ATE1: variants seen among roughly 807,000 people sequenced by gnomAD.
ATE1 encodes arginyltransferase 1, also known as arginyl-tRNA--protein transferase 1.
Under a neutral mutation model 70.5 loss-of-function variants are expected in ATE1, and 36 were observed. That is an observed-to-expected ratio of 0.51 (90% CI 0.39 to 0.67). ATE1 has a LOEUF of 0.67. ATE1 is among the 30% of genes least tolerant of loss of function. The pLI is 0.00. For synonymous variants in ATE1, 232 were observed against 219.3 expected (o/e 1.06, Z -0.51); for missense variants, 593 against 629.5 (o/e 0.94, Z 0.62).
chr10:121,838,423 G>A (rs1016512215), intron 9 of ATE1, among the ~76,000 whole-genome samples: 6 of 151,756 alleles, frequency 4.0e-5, no homozygotes, highest in Non-Finnish European at 8.8e-5. Flanking sequence ...CCCTACACCC[G>A]AGCCCAAAAG....
At chr10:121,870,459 A>T (rs1351953564) in intron 7 of ATE1, among the ~76,000 whole-genome samples, 1 of 151,494 alleles carries the variant, frequency 6.6e-6, no homozygotes, top group Non-Finnish European at 1.5e-5. Flanking sequence ...GACCAACAAA[A>T]GGGGAGAGGA....
intron 11 of ATE1, among the ~76,000 whole-genome samples, chr10:121,759,133 G>A (rs1041857526): frequency 4.6e-5 from 7 of 152,184 alleles, no homozygotes; most frequent in Admixed American, 3.3e-4. Context: ...GTGCCAAACG[G>A]CCAAGCTGCA....
intron 7 of ATE1, among the ~76,000 whole-genome samples, chr10:121,884,854 A>C (rs1323334350): frequency 6.6e-6 from 1 of 152,182 alleles, no homozygotes; most frequent in African/African-American, 2.4e-5. Context: ...ACTACAATAC[A>C]CAAGTGTTCC....
intron 10 of ATE1, among the ~76,000 whole-genome samples, chr10:121,817,344 C>T (rs895987840): frequency 6.6e-6 from 1 of 152,116 alleles, no homozygotes; most frequent in Non-Finnish European, 1.5e-5. Flanking sequence ...ATCGAGACCA[C>T]GGTGAAACCC....
chr10:121,899,826 A>C, intron 7 of ATE1, 40 bp downstream of exon 7: 1 of 1,590,620 alleles, frequency 6.3e-7, no homozygotes, highest in Non-Finnish European at 8.6e-7. Context: ...TGGAAGGGAA[A>C]GCTCTGTTTG....
intron 10 of ATE1, among the ~76,000 whole-genome samples, chr10:121,818,776 A>G (rs534032528): frequency 6.6e-6 from 1 of 152,332 alleles, no homozygotes; most frequent in African/African-American, 2.4e-5. Context: ...CCTGAATATA[A>G]ACAGGCTAGT....
At chr10:121,753,829 A>T (rs1944686245) in intron 11 of ATE1, among the ~76,000 whole-genome samples, 1 of 152,212 alleles carries the variant, frequency 6.6e-6, no homozygotes, top group African/African-American at 2.4e-5. Context: ...CTATTACAGG[A>T]TTTCTCAAAG....
intron 7 of ATE1, among the ~76,000 whole-genome samples, chr10:121,878,501 G>A (rs755584315): frequency 2.6e-5 from 4 of 151,658 alleles, no homozygotes; most frequent in African/African-American, 7.3e-5. Flanking sequence ...GCTGAAGTAC[G>A]AGAATTGCCT....
At chr10:121,893,654 C>G (rs558727044) in intron 7 of ATE1, among the ~76,000 whole-genome samples, 2 of 151,942 alleles carry the variant, frequency 1.3e-5, no homozygotes, top group Non-Finnish European at 2.9e-5. Flanking sequence ...TTACATCTCT[C>G]TGGAATTAAG....
intron 7 of ATE1, among the ~76,000 whole-genome samples, chr10:121,879,291 G>A (rs954847522): frequency 2.0e-5 from 3 of 152,174 alleles, no homozygotes; most frequent in Non-Finnish European, 4.4e-5. Context: ...CTTTATAGAG[G>A]TGTCTGTCAA....
chr10:121,754,868 A>ATGCAATACATACAGTATGATG (rs1944730162), intron 11 of ATE1, among the ~76,000 whole-genome samples: 1 of 152,224 alleles, frequency 6.6e-6, no homozygotes, highest in Admixed American at 6.5e-5. Flanking sequence ...AACACTGTAT[A>ATGCAATACATACAGTATGATG]CCTCCTGATA....
chr10:121,916,461 T>C (rs1437105215), intron 3 of ATE1, among the ~76,000 whole-genome samples: 4 of 152,170 alleles, frequency 2.6e-5, no homozygotes, highest in Non-Finnish European at 4.4e-5. Context: ...GTAACTCTTA[T>C]GCACTTTCTC....
chr10:121,875,557 G>A (rs559107293), intron 7 of ATE1, among the ~76,000 whole-genome samples: 3 of 152,062 alleles, frequency 2.0e-5, no homozygotes, highest in South Asian at 2.1e-4. Context: ...TGCCCGCCTC[G>A]GCCTCCCAAA....
chr10:121,903,166 G>C (rs1011564215), intron 5 of ATE1, among the ~76,000 whole-genome samples: 8 of 145,392 alleles, frequency 5.5e-5, no homozygotes, highest in Non-Finnish European at 1.1e-4. Flanking sequence ...TGGGATTACA[G>C]GAATGAGCCA....
At chr10:121,781,636 C>T (rs943250811) in intron 11 of ATE1, among the ~76,000 whole-genome samples, 14 of 152,180 alleles carry the variant, frequency 9.2e-5, no homozygotes, top group Admixed American at 3.3e-4. Flanking sequence ...AATGGAAGGC[C>T]GTGTTGCAAG....
intron 11 of ATE1, among the ~76,000 whole-genome samples, chr10:121,750,095 G>A (rs1311081576): frequency 6.6e-6 from 1 of 152,052 alleles, no homozygotes; most frequent in Non-Finnish European, 1.5e-5. Flanking sequence ...AATAAATTAT[G>A]ATTTATATAC....
chr10:121,796,530 T>C (rs1158708806), intron 10 of ATE1, among the ~76,000 whole-genome samples: 1 of 152,190 alleles, frequency 6.6e-6, no homozygotes, highest in East Asian at 1.9e-4. Flanking sequence ...TGCACGTCTA[T>C]ATTTTCAGTT....
intron 11 of ATE1, among the ~76,000 whole-genome samples, chr10:121,760,401 G>A (rs1944989989): frequency 6.6e-6 from 1 of 152,220 alleles, no homozygotes; most frequent in South Asian, 2.1e-4. Flanking sequence ...ATGGGAGGAA[G>A]TCAAACTATC....
chr10:121,814,666 A>C (rs1304842340), intron 10 of ATE1, among the ~76,000 whole-genome samples: 1 of 152,230 alleles, frequency 6.6e-6, no homozygotes, highest in Non-Finnish European at 1.5e-5. Context: ...TAGAACAGAT[A>C]GAGATATAAG....
Sources: allele counts gnomAD v4.1 joint callset (sites outside exome capture counted in the v4.1 genomes callset), GRCh38; gene constraint gnomAD v4.1.1; transcripts MANE v1.5; gene names NCBI Gene and HGNC (gene_info 2026-07-23, HGNC 2026-07-21).